Variants in EXT2 observed in about 807,000 individuals in gnomAD.
The protein encoded by EXT2 is exostosin-2.
Under a neutral mutation model 81.6 loss-of-function variants are expected in EXT2, and 53 were observed. The observed-to-expected ratio is 0.65, with a 90% confidence interval of 0.52 to 0.82. The LOEUF (loss-of-function observed/expected upper bound fraction) is 0.82. Among genes scored for constraint, EXT2 ranks in the 40% least tolerant of loss-of-function variants. The pLI is 0.00. For synonymous variants in EXT2, 320 were observed against 340.0 expected, an observed-to-expected ratio of 0.94 and a Z score of 0.65; for missense variants, 774 against 910.2, an observed-to-expected ratio of 0.85 and a Z score of 1.93.
chr11:44,132,834 G>T (rs565866421), intron 7 of EXT2, among the ~76,000 whole-genome samples: 1 of 152,060 alleles, frequency 6.6e-6, no homozygotes. Flanking sequence ...TCTCCACTGC[G>T]GCAACTCACT....
At chr11:44,096,527 A>C (rs555447984) in intron 1 of EXT2, among the ~76,000 whole-genome samples, 64 of 150,662 alleles carry the variant, frequency 4.2e-4, no homozygotes, top group African/African-American at 1.5e-3. Flanking sequence ...AGGACGGGGC[A>C]GGAGTATGTT....
chr11:44,222,378 T>G (rs1955791371), intron 10 of EXT2, among the ~76,000 whole-genome samples: 2 of 152,238 alleles, frequency 1.3e-5, no homozygotes, highest in Admixed American at 1.3e-4. Flanking sequence ...TACCACTGTA[T>G]GCCTAAATGC....
chr11:44,134,523 T>C (rs1565207374), intron 7 of EXT2, among the ~76,000 whole-genome samples: 1 of 152,170 alleles, frequency 6.6e-6, no homozygotes, highest in Non-Finnish European at 1.5e-5. Context: ...GGGAGTTCCA[T>C]CAGCCATCTT....
chr11:44,147,242 T>A (rs529801334), intron 7 of EXT2, among the ~76,000 whole-genome samples: 1 of 152,318 alleles, frequency 6.6e-6, no homozygotes, highest in Non-Finnish European at 1.5e-5. Flanking sequence ...TTTAAAAACC[T>A]TTTTTAAAAT....
chr11:44,118,951 CT>C, intron 4 of EXT2, among the ~76,000 whole-genome samples: 1 of 151,222 alleles, frequency 6.6e-6, no homozygotes. Context: ...TTCTTTTTCT[CT>C]TTTTTTCCTC....
chr11:44,175,038 G>A (rs918355140), intron 8 of EXT2, among the ~76,000 whole-genome samples: 2 of 152,216 alleles, frequency 1.3e-5, no homozygotes, highest in African/African-American at 4.8e-5. Context: ...GATCACTGAA[G>A]CCTTTTAAAC....
chr11:44,109,204 G>A lies in EXT2; in HGVS notation c.547G>A (p.Gly183Ser). The A allele has an allele frequency of 6.2e-7, 1 of 1,614,020 alleles. No individual in the cohort carries two copies. The highest frequency in any genetic ancestry group is 8.5e-7 in the Non-Finnish European group (1 of 1,179,956). Reference sequence around the variant, plus strand: ...TAAATTTCTTGACAGGTGGGATCGAGGTACGAATCACCTGTTGTTCAACAT... The same window carrying A: ...TAAATTTCTTGACAGGTGGGATCGAAGTACGAATCACCTGTTGTTCAACAT... ...AMAQLSRWDR[G>S]TNHLLFNMLP... Residue 183 changes from glycine (G) to serine (S), a missense_variant, in exon 3 of 14, where the codon GGT becomes AGT. By Grantham distance (56) the Gly-to-Ser change is moderately conservative. This residue lies in a region of EXT2 where 626 missense variants were observed against 670.5 expected (regional missense o/e 0.93). Transcript: ENST00000533608.
chr11:44,214,263 C>T (rs1323691538), intron 10 of EXT2, among the ~76,000 whole-genome samples: 1 of 152,046 alleles, frequency 6.6e-6, no homozygotes, highest in African/African-American at 2.4e-5. Context: ...TACAGGCGCC[C>T]ACCACCACGC....
intron 10 of EXT2, among the ~76,000 whole-genome samples, chr11:44,231,981 A>G (rs536657833): frequency 6.6e-6 from 1 of 152,318 alleles, no homozygotes; most frequent in African/African-American, 2.4e-5. Context: ...AATACAAATC[A>G]GGGCAGTTGA....
chr11:44,160,779 T>C (rs1415149765), intron 7 of EXT2, among the ~76,000 whole-genome samples: 1 of 152,166 alleles, frequency 6.6e-6, no homozygotes, highest in East Asian at 1.9e-4. Flanking sequence ...GATATAAGGG[T>C]CTGGGTATTT....
intron 8 of EXT2, among the ~76,000 whole-genome samples, chr11:44,184,851 A>G (rs1188991411): frequency 1.3e-5 from 2 of 152,236 alleles, no homozygotes; most frequent in Admixed American, 6.5e-5. Context: ...TCAGCAATTA[A>G]TTGTAAACAC....
intron 8 of EXT2, among the ~76,000 whole-genome samples, chr11:44,194,079 T>C (rs1955427063): frequency 6.6e-6 from 1 of 152,202 alleles, no homozygotes; most frequent in African/African-American, 2.4e-5. Flanking sequence ...AAGGCATTCG[T>C]TTTGTGAGCC....
At chr11:44,225,541 G>A (rs1182180938) in intron 10 of EXT2, among the ~76,000 whole-genome samples, 1 of 152,204 alleles carries the variant, frequency 6.6e-6, no homozygotes, top group Non-Finnish European at 1.5e-5. Context: ...GCAGGCACCT[G>A]TGACCCTCTT....
At position 44,124,883 on chromosome 11, in the gene EXT2, G is replaced by C; in HGVS notation, c.838G>C (p.Val280Leu). The change falls in exon 5 of 14, where the codon GTG becomes CTG. Residue 280 changes from valine (V) to leucine (L), a missense_variant. Coordinates refer to ENST00000533608, the MANE Select transcript of EXT2 (RefSeq NM_207122.2). The stretch of plus-strand genomic sequence containing the variant: ...CCTCCAGGTCAAACATGGAGAGTCA[G>C]TGTTAGTACTCGATAAATGCACCAA... Reference protein sequence around the residue: ...EALQVKHGESVLVLDKCTNLS... With the variant: ...EALQVKHGESLLVLDKCTNLS... 1 of 1,614,142 alleles carries C rather than the reference G, an allele frequency of 6.2e-7. No homozygotes were observed. Among genetic ancestry groups the C allele is most frequent in the Non-Finnish European group, 8.5e-7 (1 of 1,180,030 alleles).
intron 8 of EXT2, among the ~76,000 whole-genome samples, chr11:44,190,785 C>G (rs2135169500): frequency 6.6e-6 from 1 of 152,282 alleles, no homozygotes; most frequent in African/African-American, 2.4e-5. Flanking sequence ...CTAGCAAAGG[C>G]CACCCGTTTA....
chr11:44,178,989 G>C (rs566312530), intron 8 of EXT2, among the ~76,000 whole-genome samples: 1 of 152,220 alleles, frequency 6.6e-6, no homozygotes, highest in East Asian at 1.9e-4. Flanking sequence ...AAGTGAGCTA[G>C]AAAGTCTCAG....
At chr11:44,105,344 G>A (rs1475725868) in intron 1 of EXT2, among the ~76,000 whole-genome samples, 1 of 152,078 alleles carries the variant, frequency 6.6e-6, no homozygotes, top group South Asian at 2.1e-4. Flanking sequence ...CCAGGCTGGA[G>A]TGCAGTGGCA....
At chr11:44,219,307 G>A (rs1377935075) in intron 10 of EXT2, among the ~76,000 whole-genome samples, 1 of 151,704 alleles carries the variant, frequency 6.6e-6, no homozygotes, top group Non-Finnish European at 1.5e-5. Context: ...TTCAAGACCA[G>A]CCTGAACAAC....
chr11:44,140,490 T>A (rs767393760), intron 7 of EXT2, among the ~76,000 whole-genome samples: 10 of 152,182 alleles, frequency 6.6e-5, no homozygotes, highest in Admixed American at 1.3e-4. Flanking sequence ...ACCACTTTTC[T>A]TTCTTTCTTT....
Sources: gnomAD v4.1 joint callset for allele counts (sites outside exome capture counted in the v4.1 genomes callset) on GRCh38, gnomAD v4.1.1 for gene constraint, gnomAD v4.1.1 regional missense constraint, MANE v1.5 for transcripts, NCBI Gene and HGNC (gene_info 2026-07-23, HGNC 2026-07-21) for gene names.